Variants in CSF2RA observed in about 807,000 individuals in gnomAD.
CSF2RA encodes the protein granulocyte-macrophage colony-stimulating factor receptor subunit alpha.
Under a neutral mutation model 51.6 loss-of-function variants are expected in CSF2RA, and 42 were observed. The observed-to-expected ratio is 0.81, with a 90% CI of 0.64 to 1.05. CSF2RA has a LOEUF of 1.05. CSF2RA is among the 50% of genes least tolerant of loss of function. The probability of loss-of-function intolerance (pLI) is 0.00; values close to 1 mark genes in which losing one functional copy is unlikely to be tolerated. For missense variants in CSF2RA, 530 were observed against 501.1 expected, an observed-to-expected ratio of 1.06 and a Z score of -0.55; for synonymous variants, 222 against 193.0, an observed-to-expected ratio of 1.15 and a Z score of -1.24.
At chrX:1,299,093 G>T (rs148100327) in intron 9 of CSF2RA, among the ~76,000 whole-genome samples, 17,068 of 152,114 alleles carry the variant, frequency 0.11, 1,263 homozygotes, top group Admixed American at 0.25. Flanking sequence ...GTTCTCACTG[G>T]GCAGGGTCTG....
chrX:1,271,643 G>A (rs28412374), intron 1 of CSF2RA, among the ~76,000 whole-genome samples: 19,045 of 150,826 alleles, frequency 0.13, 2,668 homozygotes, highest in African/African-American at 0.35. Flanking sequence ...CAGCCTCCTG[G>A]GTAGCTGGGA....
intron 2 of CSF2RA, among the ~76,000 whole-genome samples, chrX:1,281,495 C>T (rs1419962186): frequency 6.7e-6 from 1 of 148,544 alleles, no homozygotes; most frequent in Admixed American, 6.7e-5. Context: ...TCCTCCTCTT[C>T]CTCCTACTCC....
chrX:1,300,561 T>C lies in CSF2RA; in HGVS notation c.881T>C (p.Val294Ala), dbSNP rs1396470184. ...TCTGAGCCCAGAGCAAAACACAGTG[T>C]GAAGATCAGAGCTGCAGACGTCCGC... ...PSSEPRAKHS[V>A]KIRAADVRIL... Residue 294 changes from valine (V) to alanine (A), a missense_variant, in exon 10 of 13, where the codon GTG becomes GCG. Coordinates refer to ENST00000381529, the MANE Select transcript of CSF2RA (RefSeq NM_172245.4). The C allele has an allele frequency of 1.9e-6, 3 of 1,613,878 alleles. No individual in the cohort carries two copies. The East Asian group carries it at 6.7e-5, about 36-fold the overall frequency.
At chrX:1,310,996 C>T (rs1433202962), downstream of CSF2RA, among the ~76,000 whole-genome samples, 6 of 152,014 alleles carry the variant, frequency 3.9e-5, no homozygotes, top group Non-Finnish European at 8.8e-5. Context: ...GCCTGTAATC[C>T]TAGCACTTTG....
chrX:1,324,334 AAAGGAAGG>A, the CSF2RA span, among the ~76,000 whole-genome samples: 1 of 150,434 alleles, frequency 6.6e-6, no homozygotes, highest in Non-Finnish European at 1.5e-5. Flanking sequence ...TCTCTAAGAA[AAAGGAAGG>A]AAGGAAGGAA....
At chrX:1,324,694 C>T in the CSF2RA span, among the ~76,000 whole-genome samples, 2 of 152,242 alleles carry the variant, frequency 1.3e-5, no homozygotes, top group South Asian at 2.1e-4. Context: ...CCAGCAGGGC[C>T]GCTTGGGCAT....
intron 9 of CSF2RA, 92 bp from the exon 10 acceptor site, chrX:1,300,399 G>GA: frequency 2.0e-6 from 3 of 1,464,704 alleles, no homozygotes; most frequent in Middle Eastern, 2.4e-4. Context: ...AAGAAAAGGA[G>GA]AAAAAAACTT....
At chrX:1,308,843 G>A (rs746533759) in intron 12 of CSF2RA, among the ~76,000 whole-genome samples, 1 of 152,116 alleles carries the variant, frequency 6.6e-6, no homozygotes, top group African/African-American at 2.4e-5. Context: ...ACCCTGCCCA[G>A]GTTTCATGCT....
chrX:1,304,130 C>A, intron 11 of CSF2RA, 111 bp downstream of exon 11: 1 of 1,032,128 alleles, frequency 9.7e-7, no homozygotes, highest in Non-Finnish European at 1.5e-6. Context: ...CAGCCTTGGC[C>A]GGGCGTGTTG....
downstream of CSF2RA, among the ~76,000 whole-genome samples, chrX:1,314,423 CTGCCCAACCGCACTGCACT>C (rs1268377798): frequency 1.2e-4 from 18 of 147,916 alleles, no homozygotes; most frequent in South Asian, 6.3e-4. Flanking sequence ...CGTACTGCAC[CTGCCCAACCGCACTGCACT>C]TGCCCAATTG....
chrX:1,269,628 AAAGAAAAAG>A (rs1569486136), intron 1 of CSF2RA, among the ~76,000 whole-genome samples: 2 of 48,744 alleles, frequency 4.1e-5, no homozygotes, highest in Admixed American at 3.3e-4. Flanking sequence ...GTCTCAAAAA[AAAGAAAAAG>A]AAAAAAAAAG....
the CSF2RA span, among the ~76,000 whole-genome samples, chrX:1,317,136 G>A: frequency 6.6e-6 from 1 of 151,174 alleles, no homozygotes; most frequent in Admixed American, 6.6e-5. Flanking sequence ...TTTTAGTAGA[G>A]ACGAGGTTTC....
the CSF2RA span, among the ~76,000 whole-genome samples, chrX:1,321,464 A>G: frequency 8.6e-5 from 13 of 151,042 alleles, no homozygotes; most frequent in Admixed American, 2.7e-4. Flanking sequence ...GTGAGACTCC[A>G]TCTCAAAAAT....
intron 2 of CSF2RA, among the ~76,000 whole-genome samples, chrX:1,280,853 T>TCTCCTTCTC (rs1556503340): frequency 1.2e-3 from 90 of 76,810 alleles, no homozygotes; most frequent in African/African-American, 3.6e-3. Flanking sequence ...TTCCTCTCCT[T>TCTCCTTCTC]CTCCTCCTCC....
chrX:1,285,152 C>T (rs1445387338), intron 3 of CSF2RA, among the ~76,000 whole-genome samples: 1 of 152,110 alleles, frequency 6.6e-6, no homozygotes, highest in African/African-American at 2.4e-5. Flanking sequence ...CTTTTTGCCT[C>T]AGCCTCCCAA....
At chrX:1,321,495 A>G in the CSF2RA span, among the ~76,000 whole-genome samples, 136 of 149,566 alleles carry the variant, frequency 9.1e-4, 1 homozygote, top group African/African-American at 2.6e-3. Flanking sequence ...ATAAAATAAA[A>G]ACCCAGGAGG....
intron 2 of CSF2RA, among the ~76,000 whole-genome samples, chrX:1,278,862 A>AC (rs2089535118): frequency 2.7e-5 from 4 of 148,608 alleles, no homozygotes; most frequent in Admixed American, 2.1e-4. Flanking sequence ...ACATGGTGAA[A>AC]CCCCATCTCT....
intron 3 of CSF2RA, among the ~76,000 whole-genome samples, chrX:1,285,168 T>A (rs139556719): frequency 0.2 from 30,567 of 152,022 alleles, 3,583 homozygotes; most frequent in Non-Finnish European, 0.26. Context: ...CCCAAGGTGC[T>A]GGGATTAGAG....
chrX:1,314,571 GCACC>G (rs1276469947), downstream of CSF2RA, among the ~76,000 whole-genome samples: 133 of 66,176 alleles, frequency 2.0e-3, 9 homozygotes, highest in African/African-American at 3.5e-3. Context: ...CAATCCCACT[GCACC>G]TGCCCAACCC....
Sources: gnomAD v4.1 joint callset for allele counts (sites outside exome capture counted in the v4.1 genomes callset) on GRCh38, gnomAD v4.1.1 for gene constraint, MANE v1.5 for transcripts, NCBI Gene and HGNC (gene_info 2026-07-23, HGNC 2026-07-21) for gene names.